Variants in NCKAP1L observed in about 807,000 individuals in gnomAD.
NCKAP1L encodes the protein NCK associated protein 1 like, also known as nck-associated protein 1-like.
A neutral mutation model predicts 139.2 loss-of-function variants in NCKAP1L; 53 were observed. The observed-to-expected ratio is 0.38, with a 90% CI of 0.31 to 0.48. NCKAP1L has a LOEUF of 0.48. NCKAP1L is among the 20% of genes least tolerant of loss of function. The probability of loss-of-function intolerance (pLI) is 0.98; values close to 1 mark genes in which losing one functional copy is unlikely to be tolerated. For synonymous variants in NCKAP1L, 468 were observed against 499.7 expected (o/e 0.94, Z 0.85); for missense variants, 1,151 against 1,381.9 (o/e 0.83, Z 2.65).
intron 29 of NCKAP1L, 151 bp from the exon 30 acceptor site, chr12:54,538,733 C>CT: frequency 1.6e-6 from 1 of 630,962 alleles, no homozygotes; most frequent in African/African-American, 1.8e-5. Context: ...TCTCTGAAAC[C>CT]TAGGAGATTT....
At chr12:54,539,681 C>T (rs188219278) in intron 30 of NCKAP1L, among the ~76,000 whole-genome samples, 52 of 152,302 alleles carry the variant, frequency 3.4e-4, no homozygotes, top group Non-Finnish European at 3.5e-4. Flanking sequence ...AGGGCTTTTG[C>T]CCTGGGCCCA....
At chr12:54,524,770 A>G (rs1273493353) in intron 20 of NCKAP1L, among the ~76,000 whole-genome samples, 4 of 152,148 alleles carry the variant, frequency 2.6e-5, no homozygotes, top group Non-Finnish European at 5.9e-5. Flanking sequence ...AGTAGATTAG[A>G]TAGTGATAAG....
intron 26 of NCKAP1L, 43 bp from the exon 27 acceptor site, chr12:54,535,061 T>C: frequency 6.5e-7 from 1 of 1,527,430 alleles, no homozygotes; most frequent in Non-Finnish European, 9.0e-7. Context: ...CAAGCCATTG[T>C]GTCCTGCGAA....
intron 3 of NCKAP1L, among the ~76,000 whole-genome samples, chr12:54,506,792 A>ATATATATATAT (rs1555170876): frequency 7.8e-4 from 18 of 23,146 alleles, no homozygotes; most frequent in South Asian, 6.5e-3. Flanking sequence ...TATTAAAAAA[A>ATATATATATAT]AAAAATATAT....
At chr12:54,501,536 A>G (rs1956798131) in intron 3 of NCKAP1L, among the ~76,000 whole-genome samples, 2 of 150,448 alleles carry the variant, frequency 1.3e-5, no homozygotes, top group South Asian at 4.2e-4. Flanking sequence ...TTAGGGTCTC[A>G]CTCTGTTGCC....
rs1173864160 is a variant in NCKAP1L, at chr12:54,546,994, G to A, written c.*4309G>A. ...TTTCTATCAAACTCAAAGCTTGTTG[G>A]AAAGGATTGTGGGGTTAGGGGAGTG... On this transcript the variant is annotated 3_prime_UTR_variant, in exon 31 of 31. Transcript: ENST00000293373. 1 of 152,186 alleles carries A rather than the reference G, an allele frequency of 6.6e-6. No homozygotes were observed. Among genetic ancestry groups the A allele is most frequent in the Non-Finnish European group, 1.5e-5 (1 of 68,030 alleles). 9.4% of individuals were successfully genotyped at this position (152,186 alleles called of 1,614,324 possible).
At chr12:54,503,328 TG>T (rs901529360) in intron 3 of NCKAP1L, among the ~76,000 whole-genome samples, 47 of 152,094 alleles carry the variant, frequency 3.1e-4, no homozygotes, top group Admixed American at 1.4e-3. Flanking sequence ...ATTAATATGA[TG>T]TTTTTGAAAG....
At chr12:54,510,684 T>C (rs1165757659) in intron 7 of NCKAP1L, among the ~76,000 whole-genome samples, 1 of 151,616 alleles carries the variant, frequency 6.6e-6, no homozygotes, top group Non-Finnish European at 1.5e-5. Flanking sequence ...TAATTTTTTT[T>C]TTTTTTTTTG....
chr12:54,528,631 C>CT (rs1187000572), intron 22 of NCKAP1L, among the ~76,000 whole-genome samples: 129 of 142,952 alleles, frequency 9.0e-4, no homozygotes, highest in East Asian at 2.0e-3. Flanking sequence ...TCTTCTTCTT[C>CT]TTTTTTTTTT....
chr12:54,513,403 A>G (rs1956904254), intron 9 of NCKAP1L, among the ~76,000 whole-genome samples: 1 of 152,186 alleles, frequency 6.6e-6, no homozygotes, highest in African/African-American at 2.4e-5. Context: ...GTCTGGATTC[A>G]GATAAAGATT....
At position 54,521,251 on chromosome 12, in the gene NCKAP1L, C is replaced by T. The variant is rs751456334; in HGVS notation, c.1878+13C>T. 25 of 1,613,232 alleles carry T rather than the reference C, an allele frequency of 1.5e-5. 1 individual carries two copies. Among genetic ancestry groups the T allele is most frequent in the Non-Finnish European group, 2.0e-5 (24 of 1,179,476 alleles). On this transcript the variant is annotated intron_variant, in intron 18 of 30. Coordinates refer to ENST00000293373, the MANE Select transcript of NCKAP1L (RefSeq NM_005337.5). ...CCTGAGCGAGCAGGTAGACTCAGCC[C>T]TCTCTGTTTCACTCTCCCCTCTGCC...
intron 22 of NCKAP1L, among the ~76,000 whole-genome samples, chr12:54,529,853 G>A (rs1387328951): frequency 6.6e-6 from 1 of 152,238 alleles, no homozygotes; most frequent in Non-Finnish European, 1.5e-5. Flanking sequence ...CTAGCTGGGG[G>A]TAGAGAAGAC....
At chr12:54,511,237 G>A (rs11170960) in intron 7 of NCKAP1L, among the ~76,000 whole-genome samples, 16,996 of 152,136 alleles carry the variant, frequency 0.11, 1,383 homozygotes, top group African/African-American at 0.23. Flanking sequence ...GAGAAGTTAT[G>A]TGAAACCTTT....
intron 3 of NCKAP1L, chr12:54,500,831 G>A (rs1165643933): frequency 2.3e-6 from 1 of 425,690 alleles, no homozygotes; most frequent in Non-Finnish European, 4.2e-6. Context: ...AAAAGAGTAT[G>A]TATGTATATG....
At chr12:54,516,139 C>T (rs1018158409) in intron 9 of NCKAP1L, 100 bp from the exon 10 acceptor site, 160 of 1,225,376 alleles carry the variant, frequency 1.3e-4, no homozygotes, top group Non-Finnish European at 1.9e-4. Flanking sequence ...GCCCATGCTC[C>T]CACCAGGGTA....
chr12:54,515,327 G>A (rs955314871), intron 9 of NCKAP1L, among the ~76,000 whole-genome samples: 4 of 152,048 alleles, frequency 2.6e-5, no homozygotes, highest in African/African-American at 9.7e-5. Context: ...ATAATGTGGT[G>A]GCAATAGTGA....
chr12:54,512,762 GTA>G (rs1388708097), intron 9 of NCKAP1L, among the ~76,000 whole-genome samples: 10 of 64,212 alleles, frequency 1.6e-4, no homozygotes, highest in African/African-American at 5.8e-4. Flanking sequence ...AAGAGTGTGT[GTA>G]TGTGTGTGTG....
rs141460193 is a variant in NCKAP1L, at chr12:54,519,211, C to T, written c.1504C>T (p.Pro502Ser). The T allele has an allele frequency of 8.9e-6, 14 of 1,572,154 alleles. No homozygotes were observed. Among genetic ancestry groups the T allele is most frequent in the Middle Eastern group, 3.4e-4 (2 of 5,846 alleles). ...LQAYTSVAKA[P>S]LHLHENPDLA... is the part of the protein sequence containing the mutation. ...GGCATACACTAGCGTGGCTAAGGCC[C>T]CTCTGCACCTGCATGAGAACCCTGA... Residue 502 changes from proline (P) to serine (S), a missense_variant, in exon 16 of 31, where the codon CCT (proline) becomes TCT (serine). By Grantham distance (74) the Pro-to-Ser change is moderately conservative. Coordinates refer to ENST00000293373, the MANE Select transcript of NCKAP1L (RefSeq NM_005337.5).
At position 54,544,598 on chromosome 12, in the gene NCKAP1L, C is replaced by G. The variant is rs763651142; in HGVS notation, c.*1913C>G. 1 of 152,184 alleles carries G rather than the reference C, an allele frequency of 6.6e-6. No homozygotes were observed. The highest frequency in any genetic ancestry group is 1.5e-5 in the Non-Finnish European group (1 of 68,032). 9.4% of individuals were successfully genotyped at this position (152,184 alleles called of 1,614,324 possible). On this transcript the variant is annotated 3_prime_UTR_variant, in exon 31 of 31. Transcript: ENST00000293373. ...CTACTGATCTTGTTCAGATTTCCTT[C>G]CCCAGTTTTGCTTATGTTCATTTCT... is the stretch of plus-strand genomic sequence containing the variant.
Sources: allele counts gnomAD v4.1 joint callset (sites outside exome capture counted in the v4.1 genomes callset), GRCh38; gene constraint gnomAD v4.1.1; transcripts MANE v1.5; gene names NCBI Gene and HGNC (gene_info 2026-07-23, HGNC 2026-07-21).